The following TTC28 variants were observed in gnomAD, a reference collection of about 807,000 sequenced individuals.
TTC28 encodes the protein tetratricopeptide repeat protein 28.
A neutral mutation model predicts 198.0 loss-of-function variants in TTC28; 61 were observed. The ratio of observed to expected loss-of-function variants is 0.31; its 90% CI spans 0.25 to 0.38. TTC28 has a LOEUF of 0.38. TTC28 is among the 10% of genes least tolerant of loss of function. TTC28 has a pLI of 1.00. For missense variants in TTC28, 2,678 were observed against 3,164.0 expected (o/e 0.85, Z 3.69); for synonymous variants, 1,171 against 1,297.8 (o/e 0.90, Z 2.10).
chr22:28,142,794 T>A (rs1482047257), intron 6 of TTC28, among the ~76,000 whole-genome samples: 2 of 152,170 alleles, frequency 1.3e-5, no homozygotes, highest in African/African-American at 4.8e-5. Flanking sequence ...CGGAAAACCA[T>A]CAGGCAAGCC....
intron 2 of TTC28, among the ~76,000 whole-genome samples, chr22:28,558,278 A>G (rs921753275): frequency 6.6e-6 from 1 of 152,256 alleles, no homozygotes; most frequent in African/African-American, 2.4e-5. Flanking sequence ...TTCAGAGTTC[A>G]TTTACATGGT....
At chr22:28,553,360 A>G (rs1178880690) in intron 2 of TTC28, among the ~76,000 whole-genome samples, 1 of 143,470 alleles carries the variant, frequency 7.0e-6, no homozygotes, top group Admixed American at 6.9e-5. Flanking sequence ...TTCCCAGCCG[A>G]CATCCCATCT....
intron 2 of TTC28, among the ~76,000 whole-genome samples, chr22:28,476,883 A>G (rs1218697028): frequency 2.0e-5 from 3 of 152,256 alleles, no homozygotes; most frequent in African/African-American, 7.2e-5. Flanking sequence ...TCAAATGACC[A>G]TCAACAGGTG....
At chr22:28,643,179 G>T (rs77884683) in intron 1 of TTC28, 3,198 of 152,222 alleles carry the variant, frequency 0.021, 59 homozygotes, top group Non-Finnish European at 0.031. Context: ...CCATCATAGC[G>T]TACTATAACC....
At chr22:28,293,624 T>TC (rs539220831) in intron 5 of TTC28, among the ~76,000 whole-genome samples, 4 of 151,772 alleles carry the variant, frequency 2.6e-5, no homozygotes, top group East Asian at 1.9e-4. Flanking sequence ...TATGAAATGT[T>TC]CCCCCCCTCC....
intron 8 of TTC28, among the ~76,000 whole-genome samples, chr22:28,103,077 T>C (rs752410842): frequency 1.3e-5 from 2 of 152,226 alleles, no homozygotes; most frequent in Non-Finnish European, 2.9e-5. Flanking sequence ...GCTTTGTTCC[T>C]GCTATATCCT....
At chr22:27,995,521 C>G (rs1458349682) in intron 17 of TTC28, among the ~76,000 whole-genome samples, 1 of 152,144 alleles carries the variant, frequency 6.6e-6, no homozygotes, top group Admixed American at 6.5e-5. Flanking sequence ...GCTGTGGGCC[C>G]TCCATTTGTG....
chr22:28,168,868 C>T (rs1392609713), intron 5 of TTC28, among the ~76,000 whole-genome samples: 6 of 152,074 alleles, frequency 3.9e-5, no homozygotes, highest in African/African-American at 1.4e-4. Flanking sequence ...AAGAAACTAC[C>T]ATCAGAGTGA....
chr22:28,393,331 T>G (rs551606603), intron 2 of TTC28, among the ~76,000 whole-genome samples: 1 of 152,172 alleles, frequency 6.6e-6, no homozygotes, highest in African/African-American at 2.4e-5. Context: ...AGATATTGTA[T>G]TGGTTCATGG....
At chr22:28,308,796 A>G (rs1490704294) in intron 2 of TTC28, among the ~76,000 whole-genome samples, 1 of 152,172 alleles carries the variant, frequency 6.6e-6, no homozygotes, top group Non-Finnish European at 1.5e-5. Flanking sequence ...ATAGGAGAGA[A>G]GGTTCAAAGG....
chr22:28,597,097 A>G (rs143524896), intron 2 of TTC28, among the ~76,000 whole-genome samples: 1 of 152,240 alleles, frequency 6.6e-6, no homozygotes, highest in Non-Finnish European at 1.5e-5. Flanking sequence ...CAGAGAAAAT[A>G]TTATCATTTG....
intron 1 of TTC28, among the ~76,000 whole-genome samples, chr22:28,651,623 G>A (rs1295365748): frequency 1.3e-5 from 2 of 151,262 alleles, no homozygotes; most frequent in African/African-American, 4.9e-5. Flanking sequence ...TGTTGTCCAG[G>A]CTGGTCTCAA....
At chr22:28,406,165 G>T (rs906002632) in intron 2 of TTC28, among the ~76,000 whole-genome samples, 1 of 152,162 alleles carries the variant, frequency 6.6e-6, no homozygotes, top group East Asian at 1.9e-4. Context: ...TCACTGAAAT[G>T]AAAATATAAG....
intron 12 of TTC28, among the ~76,000 whole-genome samples, chr22:28,032,280 G>A (rs899133720): frequency 5.6e-5 from 7 of 125,748 alleles, no homozygotes; most frequent in African/African-American, 2.1e-4. Flanking sequence ...GTGTGTGTGT[G>A]TGTGTGTGTG....
At chr22:28,294,608 A>G (rs554265126) in intron 5 of TTC28, among the ~76,000 whole-genome samples, 2 of 149,526 alleles carry the variant, frequency 1.3e-5, no homozygotes, top group East Asian at 3.9e-4. Flanking sequence ...TTGCTCTGTC[A>G]CCCAGGCTGG....
At chr22:28,663,346 C>T (rs2051783151) in intron 1 of TTC28, among the ~76,000 whole-genome samples, 1 of 145,886 alleles carries the variant, frequency 6.9e-6, no homozygotes, top group Non-Finnish European at 1.5e-5. Context: ...GCGTGAGCGA[C>T]ACAGAAGACG....
Position 28,629,777 on chromosome 22 carries a change from T to C in TTC28, c.156A>G (p.Val52=). 1 of 1,551,786 alleles carries C rather than the reference T, an allele frequency of 6.4e-7. No homozygotes were observed. Among genetic ancestry groups the C allele is most frequent in the Non-Finnish European group, 8.7e-7 (1 of 1,147,006 alleles). ...TIGQRSPDGP[V]LSKAEFVEKV... ...TCTCAACAAATTCAGCTTTGCTCAG[T>C]ACCGGTCCATCAGGACTTCTCTGGC... The change falls in exon 2 of 23, where the codon GTA becomes GTG. Residue 52 remains valine, a synonymous_variant. Coordinates refer to ENST00000397906, the MANE Select transcript of TTC28 (RefSeq NM_001145418.2).
At chr22:28,192,249 T>C (rs1924883277) in intron 5 of TTC28, among the ~76,000 whole-genome samples, 1 of 151,922 alleles carries the variant, frequency 6.6e-6, no homozygotes, top group Non-Finnish European at 1.5e-5. Context: ...GAAGGAAAAC[T>C]AACAAACGGA....
Position 28,676,637 on chromosome 22 carries a change from G to C in TTC28, c.102+2985C>G, listed in dbSNP as rs2145720316. Among the ~76,000 whole-genome samples, 3 of 151,726 alleles carry C rather than the reference G, an allele frequency of 2.0e-5. No homozygotes were observed. In the Middle Eastern group the frequency reaches 0.01, roughly 516 times the overall value. ...CTAATTTTTCCATTTTTCTTCTTCA[G>C]CGCAATCTCAAGTCCAAAAGTCTTT... On this transcript the variant is annotated intron_variant, in intron 1 of 22. Transcript: ENST00000397906.
Sources: allele counts gnomAD v4.1 joint callset (sites outside exome capture counted in the v4.1 genomes callset), GRCh38; gene constraint gnomAD v4.1.1; transcripts MANE v1.5; gene names NCBI Gene and HGNC (gene_info 2026-07-23, HGNC 2026-07-21).